Variants in ZFC3H1 observed in about 807,000 individuals in gnomAD.
ZFC3H1 encodes zinc finger C3H1 domain-containing protein.
Under a neutral mutation model 243.7 loss-of-function variants are expected in ZFC3H1, and 71 were observed. The ratio of observed to expected loss-of-function variants is 0.29; its 90% CI spans 0.24 to 0.36. The LOEUF is 0.36. Among genes scored for constraint, ZFC3H1 ranks in the 10% least tolerant of loss-of-function variants. The pLI, the probability that ZFC3H1 is intolerant of heterozygous loss-of-function variation, is 1.00. For synonymous variants in ZFC3H1, 838 were observed against 813.0 expected, an observed-to-expected ratio of 1.03 and a Z score of -0.52; for missense variants, 1,966 against 2,317.1, an observed-to-expected ratio of 0.85 and a Z score of 3.11.
chr12:71,645,233 C>G (rs549497158), intron 3 of ZFC3H1, among the ~76,000 whole-genome samples, 158 bp from the exon 4 acceptor site: 2 of 152,252 alleles, frequency 1.3e-5, no homozygotes, highest in African/African-American at 4.8e-5. Context: ...CTTCCCACAG[C>G]CTGAGACTCT....
At position 71,614,571 on chromosome 12, in the gene ZFC3H1, A is replaced by G; in HGVS notation, c.5490T>C (p.Ser1830=). The G allele has an allele frequency of 6.2e-7, 1 of 1,610,716 alleles. No individual in the cohort carries two copies. Among genetic ancestry groups the G allele is most frequent in the Non-Finnish European group, 8.5e-7 (1 of 1,178,610 alleles). Residue 1830 remains serine (S), a synonymous_variant, in exon 30 of 35, where the codon AGT becomes AGC. Coordinates refer to ENST00000378743, the MANE Select transcript of ZFC3H1 (RefSeq NM_144982.5). The stretch of plus-strand genomic sequence containing the variant: ...ATTCATAGTTGGACCAGTAATCAGC[A>G]CTGCTAAAAGGAATGGGGTATCGGG... ...VPARYPIPFS[S]ADYWSNYEFH...
At chr12:71,623,890 C>G (rs1880093015) in intron 23 of ZFC3H1, among the ~76,000 whole-genome samples, 1 of 152,060 alleles carries the variant, frequency 6.6e-6, no homozygotes, top group Non-Finnish European at 1.5e-5. Context: ...TCATTGAAAA[C>G]TTATAAAAAC....
chr12:71,647,671 T>C (rs981380036), intron 3 of ZFC3H1, 78 bp downstream of exon 3: 25 of 751,090 alleles, frequency 3.3e-5, no homozygotes, highest in Non-Finnish European at 5.2e-5. Flanking sequence ...AAGATAGACT[T>C]CCCTTACAAA....
In ZFC3H1 at chr12:71,611,895, G is replaced by A. The variant is rs1190644018; in HGVS notation, c.5628-8C>T. 43 of 1,567,492 alleles carry A rather than the reference G, an allele frequency of 2.7e-5. No individual in the cohort carries two copies. The highest frequency in any genetic ancestry group is 3.4e-5 in the Non-Finnish European group (39 of 1,147,236). On this transcript the variant is annotated splice_region_variant and splice_polypyrimidine_tract_variant and intron_variant, in intron 31 of 34. Transcript: ENST00000378743. ...CATTCATGTTGAAGTAACCTGTAAA[G>A]TACATTCAGGAAAATGAACAAAGCA... is the stretch of plus-strand genomic sequence containing the variant.
intron 2 of ZFC3H1, among the ~76,000 whole-genome samples, chr12:71,648,918 T>C (rs1043636580): frequency 2.6e-5 from 4 of 151,882 alleles, no homozygotes; most frequent in Non-Finnish European, 4.4e-5. Context: ...GGCAAAACTC[T>C]GTCTCTACTG....
At chr12:71,656,559 G>A (rs1298231530) in intron 2 of ZFC3H1, 2 of 645,830 alleles carry the variant, frequency 3.1e-6, no homozygotes, top group Admixed American at 2.9e-5. Flanking sequence ...CCCGATAAGG[G>A]ATACCTACAA....
At chr12:71,631,693 T>C (rs1880326683) in intron 16 of ZFC3H1, 85 bp downstream of exon 16, 2 of 1,205,764 alleles carry the variant, frequency 1.7e-6, no homozygotes, top group African/African-American at 3.1e-5. Context: ...AATTGCTTTT[T>C]CATTATCATC....
At chr12:71,645,113 C>A in intron 3 of ZFC3H1, 38 bp from the exon 4 acceptor site, 2 of 1,519,858 alleles carry the variant, frequency 1.3e-6, no homozygotes, top group Non-Finnish European at 1.8e-6. Flanking sequence ...TTTTTTAATT[C>A]TATTATTTAG....
In ZFC3H1 at chr12:71,650,604, A is replaced by C. The variant is rs192246049; in HGVS notation, c.1016-2791T>G. Reference sequence around the variant, plus strand: ...ACACTGAGGACATGACGAATTAAGAAATTACACAGGAAAAGTAATTATTTA... The same window carrying C: ...ACACTGAGGACATGACGAATTAAGACATTACACAGGAAAAGTAATTATTTA... On this transcript the variant is annotated intron_variant, in intron 2 of 34. Transcript: ENST00000378743. Among the ~76,000 whole-genome samples, 404 of 152,338 alleles carry C rather than the reference A, an allele frequency of 2.7e-3. 6 individuals are homozygous for C. The highest frequency in any genetic ancestry group is 4.5e-3 in the Non-Finnish European group (305 of 68,034).
chr12:71,611,999 A>T (rs909388722), intron 31 of ZFC3H1, 112 bp from the exon 32 acceptor site: 2 of 568,768 alleles, frequency 3.5e-6, no homozygotes, highest in Non-Finnish European at 6.1e-6. Flanking sequence ...AATTCCATCA[A>T]GACTACCCAG....
Position 71,657,176 on chromosome 12 carries a change from T to G in ZFC3H1, c.724A>C (p.Ile242Leu). 3 of 1,613,954 alleles carry G rather than the reference T, an allele frequency of 1.9e-6. No homozygotes were observed. The highest frequency in any genetic ancestry group is 2.5e-6 in the Non-Finnish European group (3 of 1,179,930). The part of the protein sequence containing the change: ...YKQIQLELEC[I>L]NKDEKLALSS... ...AATGCTAGTTTTTCATCCTTATTGATGCATTCTAGTTCCAACTGTATTTGT... is the reference window on the plus strand; with the variant it reads ...AATGCTAGTTTTTCATCCTTATTGAGGCATTCTAGTTCCAACTGTATTTGT... The change falls in exon 2 of 35, where the codon ATC (isoleucine) becomes CTC (leucine). Residue 242 changes from isoleucine (I) to leucine (L), a missense_variant. Coordinates refer to ENST00000378743, the MANE Select transcript of ZFC3H1 (RefSeq NM_144982.5).
At chr12:71,615,961 A>C (rs1455479553) in intron 27 of ZFC3H1, among the ~76,000 whole-genome samples, 3 of 152,134 alleles carry the variant, frequency 2.0e-5, no homozygotes, top group Non-Finnish European at 4.4e-5. Flanking sequence ...AGTATCTGAA[A>C]TTTTCCAATG....
chr12:71,629,422 C>G (rs1225284528), intron 19 of ZFC3H1, among the ~76,000 whole-genome samples, 187 bp downstream of exon 19: 1 of 152,076 alleles, frequency 6.6e-6, no homozygotes, highest in African/African-American at 2.4e-5. Flanking sequence ...CCACCTCAGC[C>G]TCCCAAAGTG....
At chr12:71,640,988 C>T (rs1470893656) in intron 6 of ZFC3H1, among the ~76,000 whole-genome samples, 1 of 151,312 alleles carries the variant, frequency 6.6e-6, no homozygotes, top group African/African-American at 2.4e-5. Flanking sequence ...TCTGTGTTGG[C>T]AAAATTTGAG....
chr12:71,627,769 T>C lies in ZFC3H1; in HGVS notation c.4112A>G (p.Tyr1371Cys). 1 of 1,612,058 alleles carries C rather than the reference T, an allele frequency of 6.2e-7. No homozygotes were observed. Among genetic ancestry groups the C allele is most frequent in the Non-Finnish European group, 8.5e-7 (1 of 1,179,238 alleles). ...VQLWLKLAYK[Y>C]LNQNEGECSE... ...GACCTACCCCTCATTTTGATTCAAG[T>C]ACTTGTACGCAAGCTTGAGCCAAAG... Residue 1371 changes from tyrosine (Y) to cysteine (C), a missense_variant, in exon 21 of 35, where the codon TAC (tyrosine) becomes TGC (cysteine). Physicochemically the swap from Tyr to Cys is radical, Grantham distance 194. Transcript: ENST00000378743.
At chr12:71,621,708 T>C (rs17110021) in intron 24 of ZFC3H1, among the ~76,000 whole-genome samples, 27,815 of 152,024 alleles carry the variant, frequency 0.18, 2,842 homozygotes, top group East Asian at 0.38. Context: ...TCTTCCCAAC[T>C]TACCAGTTTT....
chr12:71,611,346 A>AC, intron 32 of ZFC3H1: 1 of 277,466 alleles, frequency 3.6e-6, no homozygotes. Flanking sequence ...CGTTCACAGG[A>AC]GAAAAAAAAA....
At chr12:71,637,688 C>G (rs954467139) in intron 7 of ZFC3H1, among the ~76,000 whole-genome samples, 10 of 152,258 alleles carry the variant, frequency 6.6e-5, no homozygotes, top group African/African-American at 2.2e-4. Flanking sequence ...AACATTACAA[C>G]GAAGAAAGTG....
At chr12:71,633,517 A>T in intron 12 of ZFC3H1, 79 bp from the exon 13 acceptor site, 1 of 1,206,126 alleles carries the variant, frequency 8.3e-7, no homozygotes, top group South Asian at 1.5e-5. Flanking sequence ...TTTCAAAGTA[A>T]TAACACAATT....
Sources: gnomAD v4.1 joint callset for allele counts (sites outside exome capture counted in the v4.1 genomes callset) on GRCh38, gnomAD v4.1.1 for gene constraint, MANE v1.5 for transcripts, NCBI Gene and HGNC (gene_info 2026-07-23, HGNC 2026-07-21) for gene names.